SV2B: variants seen among roughly 807,000 people sequenced by gnomAD.
The protein encoded by SV2B is synaptic vesicle glycoprotein 2B, also known as solute carrier family 22 member B2.
Under a neutral mutation model 73.9 loss-of-function variants are expected in SV2B, and 41 were observed. The ratio of observed to expected loss-of-function variants is 0.56; its 90% confidence interval spans 0.43 to 0.72. SV2B has a LOEUF of 0.72. SV2B is among the 30% of genes least tolerant of loss of function. SV2B has a pLI of 0.00. For missense variants in SV2B, 764 were observed against 857.8 expected (o/e 0.89, Z 1.37); for synonymous variants, 314 against 314.2 (o/e 1.00, Z 0.01).
At chr15:91,101,701 G>C (rs890920176) in intron 1 of SV2B, 1 of 151,968 alleles carries the variant, frequency 6.6e-6, no homozygotes, top group African/African-American at 2.4e-5. Flanking sequence ...TTGGTTCTTC[G>C]GTCCGGGAGT....
intron 1 of SV2B, among the ~76,000 whole-genome samples, chr15:91,164,556 T>C (rs4932521): frequency 0.35 from 53,603 of 152,102 alleles, 10,148 homozygotes; most frequent in East Asian, 0.64. Context: ...ATTTGGGACC[T>C]TAACTATATC....
chr15:91,250,081 A>G (rs891699600), intron 2 of SV2B, among the ~76,000 whole-genome samples: 1 of 152,230 alleles, frequency 6.6e-6, no homozygotes, highest in Non-Finnish European at 1.5e-5. Flanking sequence ...TTACAGGTCA[A>G]TATTCCTGAT....
chr15:91,270,169 C>G (rs1391285192), intron 9 of SV2B, among the ~76,000 whole-genome samples: 1 of 151,982 alleles, frequency 6.6e-6, no homozygotes, highest in Non-Finnish European at 1.5e-5. Flanking sequence ...AGATGAATTC[C>G]CTAAAGGAGA....
intron 4 of SV2B, among the ~76,000 whole-genome samples, chr15:91,256,639 G>C (rs1055415648): frequency 6.6e-6 from 1 of 152,160 alleles, no homozygotes; most frequent in Non-Finnish European, 1.5e-5. Flanking sequence ...TAAAGTGAAC[G>C]AACAAACCTC....
chr15:91,147,386 C>T (rs1052437696), intron 1 of SV2B, among the ~76,000 whole-genome samples: 1 of 152,184 alleles, frequency 6.6e-6, no homozygotes, highest in Non-Finnish European at 1.5e-5. Context: ...CCCAGATGTG[C>T]CATGCAGCCA....
chr15:91,148,588 C>T (rs1024345796), intron 1 of SV2B, among the ~76,000 whole-genome samples: 1 of 152,050 alleles, frequency 6.6e-6, no homozygotes, highest in Non-Finnish European at 1.5e-5. Context: ...AAAGGAGAAG[C>T]CACGTATATA....
chr15:91,139,841 C>A lies in SV2B; in HGVS notation c.-392+39478C>A, dbSNP rs2042949330. Among the ~76,000 whole-genome samples, 1 of 152,158 alleles carries A rather than the reference C, an allele frequency of 6.6e-6. No individual in the cohort carries two copies. Among genetic ancestry groups the A allele is most frequent in the South Asian group, 2.1e-4 (1 of 4,820 alleles). On this transcript the variant is annotated intron_variant, in intron 1 of 12. Transcript: ENST00000394232. The surrounding 1 kb of genome is among the most constrained non-coding windows in gnomAD (Gnocchi z 5.2). ...TGTAAAAGACGTAAACTAAGATTGTCCTGGAGAAACCAAGCTATATGGTCC... is the reference window on the plus strand; with the variant it reads ...TGTAAAAGACGTAAACTAAGATTGTACTGGAGAAACCAAGCTATATGGTCC...
rs1373383035 is a variant in SV2B at position 91,301,328 on chromosome 15, AT to A, written c.*8781del. On this transcript the variant is annotated 3_prime_UTR_variant, in exon 13 of 13. Coordinates refer to ENST00000394232, the MANE Select transcript of SV2B (RefSeq NM_001323032.3). The surrounding 1 kb of genome is among the most constrained non-coding windows in gnomAD (Gnocchi z 4.3). ...AAACCCACTTTTGGTCTCTCTTCATATTTTTCGTGGTTTCATTTATCTCTCC... is the reference window on the plus strand; with the variant it reads ...AAACCCACTTTTGGTCTCTCTTCATATTTTCGTGGTTTCATTTATCTCTCC... 6.6e-6 allele frequency: 1 copy of A among 152,022 alleles called. No homozygotes were observed. The highest frequency in any genetic ancestry group is 1.9e-4 in the East Asian group (1 of 5,192). 9.4% of individuals were successfully genotyped at this position (152,022 alleles called of 1,614,324 possible).
chr15:91,144,101 C>T (rs2043077408), intron 1 of SV2B, among the ~76,000 whole-genome samples: 1 of 152,182 alleles, frequency 6.6e-6, no homozygotes, highest in Non-Finnish European at 1.5e-5. Flanking sequence ...ATGTTATTTA[C>T]TCTAGTAGTA....
rs1392005043 is a variant in SV2B at position 91,288,742 on chromosome 15, A to T, written c.1709-779A>T. On this transcript the variant is annotated intron_variant, in intron 11 of 12. Transcript: ENST00000394232. This position sits in a 1 kb window ranked among gnomAD's most constrained non-coding sequence, Gnocchi z 5.8. ...ACCCAGGCTGGAGTACAGTGGCGCC[A>T]TCTCGGCTCACTGCAACCTCTGCCT... is the stretch of plus-strand genomic sequence containing the variant. Among the ~76,000 whole-genome samples the T allele has an allele frequency of 6.6e-6, 1 of 151,310 alleles. No individual in the cohort carries two copies. The highest frequency in any genetic ancestry group is 1.5e-5 in the Non-Finnish European group (1 of 67,922).
rs951688363 is a variant in SV2B at position 91,220,443 on chromosome 15, C to T, written c.-391-5430C>T. 6.6e-6 allele frequency among the ~76,000 whole-genome samples: 1 copy of T among 152,214 alleles called. No individual in the cohort carries two copies. The highest frequency in any genetic ancestry group is 1.9e-4 in the East Asian group (1 of 5,200). On this transcript the variant is annotated intron_variant, in intron 1 of 12. Coordinates refer to ENST00000394232, the MANE Select transcript of SV2B (RefSeq NM_001323032.3). This position sits in a 1 kb window ranked among gnomAD's most constrained non-coding sequence, Gnocchi z 4.1. ...GCAGTGTTTCCCAAACTTACTTGCT[C>T]TTGGAATTCTATTTTTCACTGAAAG...
In SV2B at chr15:91,265,978, TA is replaced by T. The variant is rs1460742347; in HGVS notation, c.1009-598del. ...CAACATGGTGAAACCCTGTCTCTATTAAAAAATACAAAAAATTAGCTGGGTG... is the reference window on the plus strand; with the variant it reads ...CAACATGGTGAAACCCTGTCTCTATTAAAAATACAAAAAATTAGCTGGGTG... On this transcript the variant is annotated intron_variant, in intron 6 of 12. Transcript: ENST00000394232. The surrounding 1 kb of genome is among the most constrained non-coding windows in gnomAD (Gnocchi z 4.2). 2.6e-5 allele frequency among the ~76,000 whole-genome samples: 4 copies of T among 151,968 alleles called. No homozygotes were observed. The highest frequency in any genetic ancestry group is 5.9e-5 in the Non-Finnish European group (4 of 67,974).
chr15:91,268,427 C>T lies in SV2B; in HGVS notation c.1209-14C>T, dbSNP rs1279116227. 1 of 1,605,650 alleles carries T rather than the reference C, an allele frequency of 6.2e-7. No homozygotes were observed. Among genetic ancestry groups the T allele is most frequent in the Non-Finnish European group, 8.5e-7 (1 of 1,173,542 alleles). On this transcript the variant is annotated splice_polypyrimidine_tract_variant and intron_variant, in intron 8 of 12. Transcript: ENST00000394232. This position sits in a 1 kb window ranked among gnomAD's most constrained non-coding sequence, Gnocchi z 4.4. ...TCCTGTTGTTGTTGCAACCTTCTGCCTTCTCCACTCCAGTTACTATGGACT... is the reference window on the plus strand; with the variant it reads ...TCCTGTTGTTGTTGCAACCTTCTGCTTTCTCCACTCCAGTTACTATGGACT...
intron 2 of SV2B, among the ~76,000 whole-genome samples, chr15:91,238,429 C>G (rs2046874486): frequency 6.6e-6 from 1 of 152,184 alleles, no homozygotes; most frequent in Non-Finnish European, 1.5e-5. Flanking sequence ...TTTCAAAAAT[C>G]CAGTTATATC....
In SV2B at chr15:91,242,552, A is replaced by G. The variant is rs2047061073; in HGVS notation, c.452-9267A>G. Among the ~76,000 whole-genome samples the G allele has an allele frequency of 6.6e-6, 1 of 152,186 alleles. No individual in the cohort carries two copies. The highest frequency in any genetic ancestry group is 1.9e-4 in the East Asian group (1 of 5,198). ...GCCTCTTTGAGATTTCGCCTGAAAT[A>G]TGAGAAGGAGCCAGCCATGCGAAGA... On this transcript the variant is annotated intron_variant, in intron 2 of 12. Transcript: ENST00000394232. This position sits in a 1 kb window ranked among gnomAD's most constrained non-coding sequence, Gnocchi z 4.9.
At chr15:91,192,180 C>T (rs567973599) in intron 1 of SV2B, among the ~76,000 whole-genome samples, 1 of 152,246 alleles carries the variant, frequency 6.6e-6, no homozygotes, top group Non-Finnish European at 1.5e-5. Context: ...TCCTTCCATG[C>T]CTAGCAGGAA....
At chr15:91,202,609 G>A (rs976758444) in intron 1 of SV2B, among the ~76,000 whole-genome samples, 3 of 152,206 alleles carry the variant, frequency 2.0e-5, no homozygotes, top group African/African-American at 4.8e-5. Context: ...CATGGTACCT[G>A]TGCTACCTGG....
Position 91,132,404 on chromosome 15 carries a change from T to C in SV2B, c.-392+32041T>C, listed in dbSNP as rs1465578179. 6.6e-6 allele frequency among the ~76,000 whole-genome samples: 1 copy of C among 152,228 alleles called. No individual in the cohort carries two copies. The highest frequency in any genetic ancestry group is 1.5e-5 in the Non-Finnish European group (1 of 68,034). ...CAGGGGTTAGGGTGAAGTAAAGTTA[T>C]ACTTCTATGCAAATGAAGACTTGGC... On this transcript the variant is annotated intron_variant, in intron 1 of 12. Coordinates refer to ENST00000394232, the MANE Select transcript of SV2B (RefSeq NM_001323032.3). This position sits in a 1 kb window ranked among gnomAD's most constrained non-coding sequence, Gnocchi z 4.6.
chr15:91,175,927 T>C (rs1340928634), intron 1 of SV2B, among the ~76,000 whole-genome samples: 3 of 151,992 alleles, frequency 2.0e-5, no homozygotes, highest in African/African-American at 7.2e-5. Context: ...TTAGGGTACA[T>C]GTGCACAATA....
Sources: allele counts gnomAD v4.1 joint callset (sites outside exome capture counted in the v4.1 genomes callset), GRCh38; gene constraint gnomAD v4.1.1; non-coding constraint Gnocchi (gnomAD v3.1); transcripts MANE v1.5; gene names NCBI Gene and HGNC (gene_info 2026-07-23, HGNC 2026-07-21).